The following DMGDH variants were observed in gnomAD, a reference collection of about 807,000 sequenced individuals.
DMGDH encodes the protein dimethylglycine dehydrogenase, mitochondrial.
Under a neutral mutation model 95.2 loss-of-function variants are expected in DMGDH, and 76 were observed. The ratio of observed to expected loss-of-function variants is 0.80; its 90% confidence interval spans 0.66 to 0.97. DMGDH has a LOEUF of 0.97. DMGDH is among the 50% of genes least tolerant of loss of function. DMGDH has a pLI of 0.00. For synonymous variants in DMGDH, 345 were observed against 377.6 expected (o/e 0.91, Z 1.00); for missense variants, 987 against 1,055.0 (o/e 0.94, Z 0.89).
rs142027262 is a variant in DMGDH at position 79,040,871 on chromosome 5, C to G, written c.1193+1412G>C. Among the ~76,000 whole-genome samples, 656 of 152,286 alleles carry G rather than the reference C, an allele frequency of 4.3e-3. 6 individuals are homozygous for G. Among genetic ancestry groups the G allele is most frequent in the African/African-American group, 0.015 (632 of 41,548 alleles). ...GGAGAAGCACTCCTACTTCCACATG[C>G]CTGCATATGGACTCTATAGGTGACT... On this transcript the variant is annotated intron_variant, in intron 7 of 15. Transcript: ENST00000255189.
chr5:79,020,981 C>T (rs1753851614), intron 14 of DMGDH: 9 of 985,408 alleles, frequency 9.1e-6, no homozygotes, highest in Non-Finnish European at 1.1e-5. Context: ...TTGATTAATG[C>T]ATTTCTTCCA....
Position 79,044,396 on chromosome 5 carries a change from C to A in DMGDH, c.902G>T (p.Arg301Leu), listed in dbSNP as rs747089244. Residue 301 changes from arginine to leucine, a missense_variant, in exon 6 of 16, where the codon CGA becomes CTA. Physicochemically the swap from Arg to Leu is moderately radical, Grantham distance 102. Transcript: ENST00000255189. ...LRDLEGSYYL[R>L]QERDGLLFGP... is the part of the protein sequence containing the mutation. ...AAACAAAAGCCCATCCCTTTCCTGT[C>A]GGAGATAATATGATCCTTCCAGGTC... 1.9e-6 allele frequency: 3 copies of A among 1,614,140 alleles called. No individual in the cohort carries two copies. The highest frequency in any genetic ancestry group is 2.2e-5 in the East Asian group (1 of 44,874).
At chr5:79,009,561 T>C (rs1358176652) in intron 14 of DMGDH, among the ~76,000 whole-genome samples, 1 of 152,128 alleles carries the variant, frequency 6.6e-6, no homozygotes, top group Admixed American at 6.5e-5. Context: ...GGTTTTGCCA[T>C]GTTGGCCAGG....
chr5:79,004,226 G>A (rs1490275878), intron 15 of DMGDH, among the ~76,000 whole-genome samples: 1 of 152,152 alleles, frequency 6.6e-6, no homozygotes, highest in Non-Finnish European at 1.5e-5. Flanking sequence ...TTAAATGGGA[G>A]AGCACATGAA....
intron 3 of DMGDH, 65 bp downstream of exon 3, chr5:79,055,745 T>A: frequency 1.8e-6 from 2 of 1,085,806 alleles, no homozygotes; most frequent in Non-Finnish European, 2.8e-6. Flanking sequence ...ATCAAAATCC[T>A]TCAGAAATCT....
chr5:79,069,074 T>C (rs1373262531), intron 1 of DMGDH, among the ~76,000 whole-genome samples: 2 of 152,302 alleles, frequency 1.3e-5, no homozygotes, highest in African/African-American at 4.8e-5. Context: ...AAAAACCATT[T>C]AAATGTTAAT....
At chr5:79,040,464 C>A (rs1341146851) in intron 7 of DMGDH, among the ~76,000 whole-genome samples, 1 of 152,212 alleles carries the variant, frequency 6.6e-6, no homozygotes, top group African/African-American at 2.4e-5. Context: ...TAACTCATGA[C>A]TGATTACAGA....
chr5:79,064,333 A>T (rs2112678342), intron 1 of DMGDH, among the ~76,000 whole-genome samples: 1 of 152,102 alleles, frequency 6.6e-6, no homozygotes, highest in East Asian at 1.9e-4. Flanking sequence ...GACCTAGCAG[A>T]CAGAGTGAGG....
intron 2 of DMGDH, among the ~76,000 whole-genome samples, chr5:79,058,110 A>G (rs1235155496): frequency 6.6e-6 from 1 of 152,238 alleles, no homozygotes; most frequent in Non-Finnish European, 1.5e-5. Context: ...AGTCTCCCTT[A>G]CCGCAACAGT....
At chr5:79,031,958 T>C (rs913121310) in intron 9 of DMGDH, among the ~76,000 whole-genome samples, 1 of 152,210 alleles carries the variant, frequency 6.6e-6, no homozygotes, top group Non-Finnish European at 1.5e-5. Flanking sequence ...TGCTATACTT[T>C]GTATGAATTA....
Position 78,997,817 on chromosome 5 carries a change from G to A in DMGDH, c.*265C>T. ...TGTGTATATTAGCAAACACCTAAAT[G>A]TTTTACTGATTGGGTAATGTGGGGT... is the stretch of plus-strand genomic sequence containing the variant. On this transcript the variant is annotated 3_prime_UTR_variant, in exon 16 of 16. Coordinates refer to ENST00000255189, the MANE Select transcript of DMGDH (RefSeq NM_013391.3). The A allele has an allele frequency of 2.1e-6, 1 of 468,946 alleles. No homozygotes were observed. The highest frequency in any genetic ancestry group is 3.9e-6 in the Non-Finnish European group (1 of 259,666). 29.0% of individuals were successfully genotyped at this position (468,946 alleles called of 1,614,324 possible).
intron 7 of DMGDH, among the ~76,000 whole-genome samples, chr5:79,036,502 A>G (rs946522737): frequency 2.6e-5 from 4 of 152,230 alleles, no homozygotes; most frequent in African/African-American, 9.6e-5. Context: ...ATTAAATACA[A>G]TTCATAAGAC....
intron 14 of DMGDH, among the ~76,000 whole-genome samples, chr5:79,022,051 T>G (rs1305379794): frequency 6.6e-6 from 1 of 152,222 alleles, no homozygotes; most frequent in Non-Finnish European, 1.5e-5. Context: ...GCTTAAACGA[T>G]CATAGTGTAA....
chr5:79,021,924 T>C (rs1313664475), intron 14 of DMGDH, among the ~76,000 whole-genome samples: 2 of 152,146 alleles, frequency 1.3e-5, no homozygotes, highest in African/African-American at 4.8e-5. Flanking sequence ...CCCAGGTCAC[T>C]TTCCCTCTCT....
At chr5:79,027,099 C>T (rs563740302) in intron 12 of DMGDH, among the ~76,000 whole-genome samples, 1 of 152,322 alleles carries the variant, frequency 6.6e-6, no homozygotes, top group African/African-American at 2.4e-5. Context: ...TAGTCATTTC[C>T]TTCACCAACA....
chr5:79,044,915 A>C (rs533654013), intron 5 of DMGDH, among the ~76,000 whole-genome samples: 4 of 152,214 alleles, frequency 2.6e-5, no homozygotes, highest in Non-Finnish European at 5.9e-5. Context: ...CCGTAACAAG[A>C]CTGCCCATAT....
At chr5:79,007,638 C>T (rs1434791899) in intron 14 of DMGDH, among the ~76,000 whole-genome samples, 3 of 152,098 alleles carry the variant, frequency 2.0e-5, no homozygotes, top group African/African-American at 7.2e-5. Flanking sequence ...AGCACTTAAA[C>T]AATAGTCAGT....
intron 2 of DMGDH, 62 bp from the exon 3 acceptor site, chr5:79,055,970 T>A (rs761178836): frequency 5.4e-6 from 6 of 1,113,036 alleles, no homozygotes; most frequent in Non-Finnish European, 8.1e-6. Flanking sequence ...ATGTTGACAG[T>A]TTATCTGTTA....
chr5:79,000,673 T>C (rs953351849), intron 15 of DMGDH: 10 of 610,956 alleles, frequency 1.6e-5, no homozygotes, highest in African/African-American at 3.7e-5. Flanking sequence ...TTCTGTCATC[T>C]GAGGTTTTTG....
Sources: gnomAD v4.1 joint callset for allele counts (sites outside exome capture counted in the v4.1 genomes callset) on GRCh38, gnomAD v4.1.1 for gene constraint, MANE v1.5 for transcripts, NCBI Gene and HGNC (gene_info 2026-07-23, HGNC 2026-07-21) for gene names.